The following FUT8 variants were observed in gnomAD, a reference collection of about 807,000 sequenced individuals.
FUT8 encodes alpha-(1,6)-fucosyltransferase.
FUT8 carries 29 observed loss-of-function variants against 71.3 expected under a neutral mutation model. The ratio of observed to expected loss-of-function variants is 0.41; its 90% CI spans 0.30 to 0.55. The LOEUF (loss-of-function observed/expected upper bound fraction) is 0.55. Among genes scored for constraint, FUT8 ranks in the 20% least tolerant of loss-of-function variants. The pLI is 0.34. For missense variants in FUT8, 544 were observed against 702.1 expected, an observed-to-expected ratio of 0.77 and a Z score of 2.55; for synonymous variants, 254 against 239.3, an observed-to-expected ratio of 1.06 and a Z score of -0.57.
chr14:65,549,857 A>G (rs1423429784), intron 2 of FUT8, among the ~76,000 whole-genome samples: 1 of 152,080 alleles, frequency 6.6e-6, no homozygotes, highest in East Asian at 1.9e-4. Context: ...TGGGTACTTT[A>G]TAAAGAAAAG....
intron 6 of FUT8, among the ~76,000 whole-genome samples, chr14:65,635,545 CG>C (rs1275425825): frequency 6.6e-6 from 1 of 152,080 alleles, no homozygotes; most frequent in Admixed American, 6.5e-5. Flanking sequence ...AGTCATAAAG[CG>C]ATGCTGGATT....
intron 3 of FUT8, among the ~76,000 whole-genome samples, chr14:65,610,070 T>C (rs8019214): frequency 0.06 from 9,110 of 151,978 alleles, 440 homozygotes; most frequent in Admixed American, 0.11. Context: ...GAATTTTGTA[T>C]GTTGATGTTA....
chr14:65,571,533 A>G (rs1377706560), intron 3 of FUT8, among the ~76,000 whole-genome samples: 1 of 152,066 alleles, frequency 6.6e-6, no homozygotes, highest in Non-Finnish European at 1.5e-5. Flanking sequence ...AGGAAAATTC[A>G]TTTTTCAACC....
At chr14:65,391,443 C>T in the FUT8 span, among the ~76,000 whole-genome samples, 1 of 152,116 alleles carries the variant, frequency 6.6e-6, no homozygotes, top group East Asian at 1.9e-4. Context: ...GAAACCTCTG[C>T]CCCCCAGGTT....
chr14:65,662,149 C>T (rs540899011), intron 6 of FUT8, among the ~76,000 whole-genome samples: 2 of 152,256 alleles, frequency 1.3e-5, no homozygotes, highest in Admixed American at 6.5e-5. Context: ...AGTGGTGGCT[C>T]ATGCCTGTAA....
At chr14:65,616,655 T>C (rs1352280883) in intron 5 of FUT8, among the ~76,000 whole-genome samples, 1 of 152,214 alleles carries the variant, frequency 6.6e-6, no homozygotes, top group Non-Finnish European at 1.5e-5. Context: ...TACATTAAAA[T>C]ATCTTTCTAT....
intron 2 of FUT8, among the ~76,000 whole-genome samples, chr14:65,500,656 A>G (rs529120853): frequency 1.3e-5 from 2 of 152,240 alleles, no homozygotes; most frequent in East Asian, 1.9e-4. Flanking sequence ...CCTATTTCCT[A>G]TCCCTTTTCA....
At chr14:65,689,152 A>C (rs1893451162) in intron 7 of FUT8, among the ~76,000 whole-genome samples, 1 of 152,202 alleles carries the variant, frequency 6.6e-6, no homozygotes. Flanking sequence ...CTATTTCTTC[A>C]CATCTTCCCC....
At chr14:65,434,457 C>T (rs946245458) in intron 1 of FUT8, among the ~76,000 whole-genome samples, 4 of 152,130 alleles carry the variant, frequency 2.6e-5, no homozygotes, top group Admixed American at 2.0e-4. Flanking sequence ...CCACACAAAT[C>T]GGGGGTAGTG....
intron 1 of FUT8, among the ~76,000 whole-genome samples, chr14:65,428,691 G>A (rs999443657): frequency 3.9e-5 from 6 of 152,204 alleles, no homozygotes; most frequent in African/African-American, 1.2e-4. Flanking sequence ...TCTGAGGATG[G>A]GGATAATCTT....
At chr14:65,383,907 C>T in the FUT8 span, among the ~76,000 whole-genome samples, 2 of 150,964 alleles carry the variant, frequency 1.3e-5, no homozygotes, top group African/African-American at 4.8e-5. Context: ...GGATGAAACA[C>T]TGCCATCATA....
At position 65,607,843 on chromosome 14, in the gene FUT8, C is replaced by G. The variant is rs1041705656; in HGVS notation, c.204-8135C>G. ...CTTTGGGAGGCTGAAGTGGGCAGAT[C>G]ATGAGGTCAGGAGATCGAGACCATT... is the stretch of plus-strand genomic sequence containing the variant. On this transcript the variant is annotated intron_variant, in intron 3 of 10. Coordinates refer to ENST00000673929, the MANE Select transcript of FUT8 (RefSeq NM_001371533.1). The surrounding 1 kb of genome is among the most constrained non-coding windows in gnomAD (Gnocchi z 4.1). Among the ~76,000 whole-genome samples the G allele has an allele frequency of 4.0e-5, 6 of 151,774 alleles. No individual in the cohort carries two copies. The highest frequency in any genetic ancestry group is 1.5e-4 in the African/African-American group (6 of 41,378).
At chr14:65,468,215 C>G in intron 2 of FUT8, 1 of 627,746 alleles carries the variant, frequency 1.6e-6, no homozygotes, top group Non-Finnish European at 3.0e-6. Flanking sequence ...GTACCCATTC[C>G]CTTGATGTCT....
At chr14:65,722,837 TC>T (rs2139356076) in intron 8 of FUT8, among the ~76,000 whole-genome samples, 1 of 152,314 alleles carries the variant, frequency 6.6e-6, no homozygotes, top group South Asian at 2.1e-4. Flanking sequence ...AATCAAACCT[TC>T]ACTCCAGATT....
chr14:65,430,042 C>T (rs1172257715), intron 1 of FUT8, among the ~76,000 whole-genome samples: 1 of 149,128 alleles, frequency 6.7e-6, no homozygotes, highest in African/African-American at 2.5e-5. Context: ...TTTTTTGAGA[C>T]AGGGTATCAC....
intron 3 of FUT8, among the ~76,000 whole-genome samples, chr14:65,600,007 T>C (rs1469398640): frequency 6.6e-6 from 1 of 152,182 alleles, no homozygotes. Context: ...AGAAATGTCA[T>C]TGTAGTCTAG....
rs537024051 is a variant in FUT8, at chr14:65,707,344, T to G, written c.836-14431T>G. On this transcript the variant is annotated intron_variant, in intron 7 of 10. Coordinates refer to ENST00000673929, the MANE Select transcript of FUT8 (RefSeq NM_001371533.1). ...TCAGATCCTTTGCCCATTTTTAAAT[T>G]GGATTATTTGCTTTCTTGCTATTGT... is the stretch of plus-strand genomic sequence containing the variant. Among the ~76,000 whole-genome samples, 94 of 152,326 alleles carry G rather than the reference T, an allele frequency of 6.2e-4. 1 individual carries two copies. In the South Asian group the frequency reaches 0.019, roughly 31 times the overall value.
intron 9 of FUT8, among the ~76,000 whole-genome samples, chr14:65,728,719 C>G (rs1879702369): frequency 6.6e-6 from 1 of 152,116 alleles, no homozygotes. Context: ...TTACAACTAC[C>G]TTCAGTATTC....
At chr14:65,562,584 G>A (rs1258234833) in intron 3 of FUT8, among the ~76,000 whole-genome samples, 1 of 152,108 alleles carries the variant, frequency 6.6e-6, no homozygotes, top group Non-Finnish European at 1.5e-5. Context: ...ACATTACCTA[G>A]TATCTTATAT....
Sources: allele counts gnomAD v4.1 joint callset (sites outside exome capture counted in the v4.1 genomes callset), GRCh38; gene constraint gnomAD v4.1.1; non-coding constraint Gnocchi (gnomAD v3.1); transcripts MANE v1.5; gene names NCBI Gene and HGNC (gene_info 2026-07-23, HGNC 2026-07-21).